APOL5: variants seen among roughly 807,000 people sequenced by gnomAD.
APOL5 encodes the protein apolipoprotein L5.
APOL5 carries 29 observed loss-of-function variants against 35.5 expected under a neutral mutation model. The ratio of observed to expected loss-of-function variants is 0.82; its 90% CI spans 0.61 to 1.11. APOL5 has a LOEUF of 1.11. Among genes scored for constraint, APOL5 ranks in the 50% most tolerant of loss-of-function variants. The probability of loss-of-function intolerance (pLI) is 0.00; values close to 1 mark genes in which losing one functional copy is unlikely to be tolerated. For missense variants in APOL5, 514 were observed against 530.4 expected, an observed-to-expected ratio of 0.97 and a Z score of 0.30; for synonymous variants, 188 against 200.2, an observed-to-expected ratio of 0.94 and a Z score of 0.51.
upstream of APOL5, among the ~76,000 whole-genome samples, chr22:35,716,372 A>T (rs1869729826): frequency 6.6e-6 from 1 of 152,192 alleles, no homozygotes; most frequent in South Asian, 2.1e-4. Context: ...TCCCGGGTTC[A>T]AGAGATTCTC....
intron 3 of APOL5, among the ~76,000 whole-genome samples, chr22:35,728,317 G>A (rs907857477): frequency 6.6e-6 from 1 of 152,134 alleles, no homozygotes; most frequent in Admixed American, 6.5e-5. Flanking sequence ...TCCGCCTCCC[G>A]GGTTCACGCC....
At chr22:35,716,780 A>T (rs1926758355), upstream of APOL5, among the ~76,000 whole-genome samples, 3 of 152,020 alleles carry the variant, frequency 2.0e-5, no homozygotes. Flanking sequence ...TATAAAGAAC[A>T]TATTCTTCAA....
intron 2 of APOL5, among the ~76,000 whole-genome samples, chr22:35,724,288 A>G (rs1411348641): frequency 2.1e-5 from 3 of 144,876 alleles, no homozygotes; most frequent in Admixed American, 6.9e-5. Context: ...CCCTGTCTCA[A>G]AAAAAAAAAA....
upstream of APOL5, among the ~76,000 whole-genome samples, chr22:35,714,937 G>T (rs1007961359): frequency 6.6e-6 from 1 of 152,148 alleles, no homozygotes; most frequent in Non-Finnish European, 1.5e-5. Flanking sequence ...GGGGGAGAAG[G>T]GTAGTTCTTT....
chr22:35,718,062 G>GTATAAAAAATAGTGTAACGTAT, intron 1 of APOL5, 136 bp downstream of exon 1: 1 of 573,234 alleles, frequency 1.7e-6, no homozygotes, highest in Non-Finnish European at 2.7e-6. Flanking sequence ...CAGATCCTTG[G>GTATAAAAAATAGTGTAACGTAT]TTTTAATGAG....
upstream of APOL5, among the ~76,000 whole-genome samples, chr22:35,713,656 G>T (rs1056185742): frequency 1.3e-5 from 2 of 152,144 alleles, no homozygotes; most frequent in African/African-American, 4.8e-5. Flanking sequence ...TCCGGCCTAG[G>T]ATCCATTGTC....
At chr22:35,722,309 T>G (rs922488389) in intron 2 of APOL5, among the ~76,000 whole-genome samples, 13 of 152,122 alleles carry the variant, frequency 8.5e-5, no homozygotes, top group African/African-American at 3.1e-4. Flanking sequence ...TGAGGCAGAC[T>G]AGAGGCTTCA....
intron 2 of APOL5, among the ~76,000 whole-genome samples, chr22:35,725,949 A>G (rs541192953): frequency 6.6e-6 from 1 of 152,254 alleles, no homozygotes; most frequent in African/African-American, 2.4e-5. Context: ...GTTTCTGGGA[A>G]AGGGCTGTTA....
At chr22:35,717,796 G>A, upstream of APOL5, 1 of 931,026 alleles carries the variant, frequency 1.1e-6, no homozygotes, top group Non-Finnish European at 1.5e-6. Flanking sequence ...GACTGGGAGA[G>A]ACAGGTTTCA....
At chr22:35,724,648 G>A (rs1429114956) in intron 2 of APOL5, among the ~76,000 whole-genome samples, 3 of 151,776 alleles carry the variant, frequency 2.0e-5, no homozygotes, top group Admixed American at 6.6e-5. Flanking sequence ...TCACTCTGTT[G>A]CCCAGGCTGG....
chr22:35,724,279 C>G (rs1927073519), intron 2 of APOL5, among the ~76,000 whole-genome samples: 1 of 147,780 alleles, frequency 6.8e-6, no homozygotes, highest in Non-Finnish European at 1.5e-5. Context: ...ATAGTGAAGC[C>G]CTGTCTCAAA....
intron 2 of APOL5, among the ~76,000 whole-genome samples, chr22:35,722,295 T>C (rs935694462): frequency 2.0e-5 from 3 of 152,124 alleles, no homozygotes; most frequent in Non-Finnish European, 4.4e-5. Flanking sequence ...AATCAGCCAG[T>C]GGTTGAGGCA....
At chr22:35,729,018 T>G in intron 4 of APOL5, 114 bp downstream of exon 4, 5 of 1,220,598 alleles carry the variant, frequency 4.1e-6, no homozygotes, top group Non-Finnish European at 5.4e-6. Flanking sequence ...GGGACAGAGG[T>G]TGTTGCTACC....
chr22:35,718,696 A>G (rs1474302623), intron 1 of APOL5, among the ~76,000 whole-genome samples: 1 of 152,220 alleles, frequency 6.6e-6, no homozygotes, highest in Non-Finnish European at 1.5e-5. Flanking sequence ...GCATAGAGTC[A>G]TCAAAAATAA....
the APOL5 span, among the ~76,000 whole-genome samples, chr22:35,711,172 A>AAAC: frequency 1.1e-4 from 17 of 152,114 alleles, no homozygotes; most frequent in African/African-American, 3.9e-4. Flanking sequence ...ACTCTGTCTC[A>AAAC]AACAACAACA....
upstream of APOL5, chr22:35,717,775 A>AAG: frequency 2.9e-6 from 2 of 684,534 alleles, 1 homozygote; most frequent in Non-Finnish European, 4.3e-6. Context: ...AAAGAAAAAA[A>AAG]AATAGGTGAG....
intron 2 of APOL5, among the ~76,000 whole-genome samples, chr22:35,724,995 T>C (rs760368205): frequency 6.6e-6 from 1 of 152,156 alleles, no homozygotes; most frequent in Admixed American, 6.6e-5. Context: ...AGGGGTAGTT[T>C]GAACTGTGCT....
At chr22:35,723,508 G>A (rs1200659799) in intron 2 of APOL5, among the ~76,000 whole-genome samples, 4 of 152,082 alleles carry the variant, frequency 2.6e-5, no homozygotes, top group Admixed American at 1.3e-4. Flanking sequence ...TTCTTTTTTC[G>A]AACTACAGGA....
At position 35,717,994 on chromosome 22, in the gene APOL5, A is replaced by G. The variant is rs1926820093; in HGVS notation, c.55+68A>G. On this transcript the variant is annotated intron_variant, in intron 1 of 4. Transcript: ENST00000249044. Reference sequence around the variant, plus strand: ...TGTACAAATTGTCCCAGAAATAGAAAAAATACGTTACACTATTTTTTATAC... The same window carrying G: ...TGTACAAATTGTCCCAGAAATAGAAGAAATACGTTACACTATTTTTTATAC... The G allele has an allele frequency of 3.0e-6, 4 of 1,339,260 alleles. No individual in the cohort carries two copies. The African/African-American group carries it at 4.5e-5, about 15-fold the overall frequency. The allele number at this position is 1,339,260 out of a possible 1,614,324, so 83.0% of individuals were successfully genotyped here. A position where few individuals can be genotyped will look rare whatever the true frequency, so the allele number is the denominator to read the frequency against.
Sources: gnomAD v4.1 joint callset for allele counts (sites outside exome capture counted in the v4.1 genomes callset) on GRCh38, gnomAD v4.1.1 for gene constraint, MANE v1.5 for transcripts, NCBI Gene and HGNC (gene_info 2026-07-23, HGNC 2026-07-21) for gene names.